UTRN: variants seen among roughly 807,000 people sequenced by gnomAD.
UTRN encodes the protein utrophin.
In UTRN, 283 loss-of-function variants were observed where a neutral mutation model predicts 463.9. That is an observed-to-expected ratio of 0.61 (90% CI 0.55 to 0.67). The LOEUF (loss-of-function observed/expected upper bound fraction) is 0.67. Among genes scored for constraint, UTRN ranks in the 30% least tolerant of loss-of-function variants. UTRN has a pLI of 0.00. For synonymous variants in UTRN, 1,442 were observed against 1,431.5 expected, an observed-to-expected ratio of 1.01 and a Z score of -0.17; for missense variants, 3,922 against 4,084.3, an observed-to-expected ratio of 0.96 and a Z score of 1.08.
At chr6:144,369,067 A>G (rs1779761498) in intron 2 of UTRN, among the ~76,000 whole-genome samples, 1 of 152,220 alleles carries the variant, frequency 6.6e-6, no homozygotes, top group South Asian at 2.1e-4. Context: ...TGGAGGTTAT[A>G]GAATTTCTGC....
chr6:144,347,294 C>T (rs1379694914), intron 2 of UTRN, among the ~76,000 whole-genome samples: 2 of 152,228 alleles, frequency 1.3e-5, no homozygotes, highest in Admixed American at 1.3e-4. Flanking sequence ...GACTGAGGCC[C>T]TGCTCTGTAG....
chr6:144,386,724 T>C (rs1409908025), intron 2 of UTRN, among the ~76,000 whole-genome samples: 1 of 152,194 alleles, frequency 6.6e-6, no homozygotes, highest in Non-Finnish European at 1.5e-5. Flanking sequence ...CTGCTTATTA[T>C]AAATATTTAT....
chr6:144,697,590 C>T (rs1784152626), intron 52 of UTRN, among the ~76,000 whole-genome samples: 2 of 152,176 alleles, frequency 1.3e-5, no homozygotes, highest in South Asian at 4.1e-4. Context: ...TTGAGAATAA[C>T]CAGAACAGAT....
intron 3 of UTRN, among the ~76,000 whole-genome samples, chr6:144,417,202 C>T (rs1038169390): frequency 6.6e-6 from 1 of 152,154 alleles, no homozygotes; most frequent in African/African-American, 2.4e-5. Flanking sequence ...CTAAATATAT[C>T]CCACCCACTC....
At chr6:144,554,596 C>T (rs1191853982) in intron 48 of UTRN, 92 bp from the exon 49 acceptor site, 8 of 1,370,332 alleles carry the variant, frequency 5.8e-6, no homozygotes, top group Non-Finnish European at 7.0e-6. Flanking sequence ...TGTTTATAGA[C>T]TTATTTGTGA....
At chr6:144,413,714 A>T (rs1784116274) in intron 3 of UTRN, among the ~76,000 whole-genome samples, 1 of 152,232 alleles carries the variant, frequency 6.6e-6, no homozygotes, top group South Asian at 2.1e-4. Context: ...TGTCTAGCAC[A>T]TACACTTATG....
At position 144,771,893 on chromosome 6, in the gene UTRN, C is replaced by A; in HGVS notation, c.8496-14C>A. 1 of 1,574,460 alleles carries A rather than the reference C, an allele frequency of 6.4e-7. No individual in the cohort carries two copies. The highest frequency in any genetic ancestry group is 8.6e-7 in the Non-Finnish European group (1 of 1,166,992). ...TTTTTTGTTTATTTTTAAAATTTTA[C>A]CTTTTTTTTCCAGCCATCAAACACA... On this transcript the variant is annotated splice_polypyrimidine_tract_variant and intron_variant, in intron 58 of 74. Coordinates refer to ENST00000367545, the MANE Select transcript of UTRN (RefSeq NM_007124.3).
chr6:144,803,584 T>C (rs972147487), intron 65 of UTRN, among the ~76,000 whole-genome samples: 2 of 152,024 alleles, frequency 1.3e-5, no homozygotes, highest in African/African-American at 4.8e-5. Context: ...TAAGATTCTA[T>C]TTATATTTAT....
At chr6:144,805,936 A>G (rs530357481) in intron 65 of UTRN, among the ~76,000 whole-genome samples, 1 of 152,270 alleles carries the variant, frequency 6.6e-6, no homozygotes, top group Admixed American at 6.5e-5. Flanking sequence ...ATTGTATAGA[A>G]CCCTGGGGAT....
intron 52 of UTRN, among the ~76,000 whole-genome samples, chr6:144,694,556 C>A (rs1783781452): frequency 6.6e-6 from 1 of 152,032 alleles, no homozygotes; most frequent in Non-Finnish European, 1.5e-5. Context: ...TTATTACTGA[C>A]TCAATTTCAG....
chr6:144,638,358 T>C (rs1777404483), intron 51 of UTRN, among the ~76,000 whole-genome samples: 1 of 152,190 alleles, frequency 6.6e-6, no homozygotes, highest in Non-Finnish European at 1.5e-5. Context: ...GAAAAAATAG[T>C]TCATGTTTTT....
At chr6:144,452,602 A>G (rs898654739) in intron 18 of UTRN, among the ~76,000 whole-genome samples, 8 of 151,924 alleles carry the variant, frequency 5.3e-5, no homozygotes, top group Non-Finnish European at 1.0e-4. Flanking sequence ...GTATCAAACT[A>G]TAGAGATAAA....
chr6:144,462,558 A>G, intron 22 of UTRN, 96 bp from the exon 23 acceptor site: 1 of 1,191,804 alleles, frequency 8.4e-7, no homozygotes, highest in East Asian at 2.6e-5. Context: ...TTTCTAATGC[A>G]TTTTAAAGTG....
intron 51 of UTRN, among the ~76,000 whole-genome samples, chr6:144,600,367 T>C (rs1187775452): frequency 1.3e-5 from 2 of 152,210 alleles, no homozygotes; most frequent in Admixed American, 1.3e-4. Flanking sequence ...AAGTTGTGAA[T>C]GCAAAGGAAA....
intron 51 of UTRN, among the ~76,000 whole-genome samples, chr6:144,625,807 T>C (rs556889995): frequency 2.6e-5 from 4 of 152,346 alleles, no homozygotes; most frequent in South Asian, 4.1e-4. Flanking sequence ...ATGGGGCCAG[T>C]TGAATATATT....
chr6:144,611,169 C>T (rs906798391), intron 51 of UTRN, among the ~76,000 whole-genome samples: 3 of 152,174 alleles, frequency 2.0e-5, no homozygotes, highest in South Asian at 2.1e-4. Context: ...ATTCAACACC[C>T]TTTCATAATA....
At chr6:144,752,511 A>T (rs1391887108) in intron 56 of UTRN, among the ~76,000 whole-genome samples, 1 of 152,174 alleles carries the variant, frequency 6.6e-6, no homozygotes, top group African/African-American at 2.4e-5. Context: ...CATTTGAGAG[A>T]TATATTTTAT....
intron 73 of UTRN, 60 bp from the exon 74 acceptor site, chr6:144,846,745 G>T: frequency 6.2e-7 from 1 of 1,612,874 alleles, no homozygotes; most frequent in Non-Finnish European, 8.5e-7. Flanking sequence ...ATGCCTGAGA[G>T]TTGGAACCAA....
intron 2 of UTRN, among the ~76,000 whole-genome samples, chr6:144,296,073 C>A (rs1285436388): frequency 2.0e-5 from 3 of 152,206 alleles, no homozygotes; most frequent in Admixed American, 2.0e-4. Context: ...TCTTAGCACT[C>A]TCTGGTACCT....
Sources: gnomAD v4.1 joint callset for allele counts (sites outside exome capture counted in the v4.1 genomes callset) on GRCh38, gnomAD v4.1.1 for gene constraint, MANE v1.5 for transcripts, NCBI Gene and HGNC (gene_info 2026-07-23, HGNC 2026-07-21) for gene names.